Variants in CHST7 observed in about 807,000 individuals in gnomAD.
The protein encoded by CHST7 is carbohydrate sulfotransferase 7, also known as N-acetylglucosamine 6-O-sulfotransferase 4.
In CHST7, 5 loss-of-function variants were observed where a neutral mutation model predicts 9.0. The ratio of observed to expected loss-of-function variants is 0.56; its 90% CI spans 0.29 to 1.17. The LOEUF (loss-of-function observed/expected upper bound fraction) is 1.17, where lower values mean the gene tolerates loss of function less well. CHST7 is among the 50% of genes most tolerant of loss of function. CHST7 has a pLI of 0.08. For synonymous variants in CHST7, 244 were observed against 237.1 expected, an observed-to-expected ratio of 1.03 and a Z score of -0.27; for missense variants, 377 against 485.1, an observed-to-expected ratio of 0.78 and a Z score of 2.09.
In CHST7 at chrX:46,574,749, T is replaced by C; in HGVS notation, c.818T>C (p.Val273Ala). ...LLRDPGLNLK[V>A]VQLFRDPRAV... The stretch of plus-strand genomic sequence containing the variant: ...CGTGATCCAGGCCTCAACCTGAAGG[T>C]GGTGCAGCTTTTCCGCGACCCGAGG... The change falls in exon 1 of 2, where the codon GTG (valine) becomes GCG (alanine). Residue 273 changes from valine to alanine, a missense_variant. Physicochemically the swap from Val to Ala is moderately conservative, Grantham distance 64. Around this residue, in one of 3 missense-constraint regions of CHST7, gnomAD observed 239 missense variants for 325.7 expected, o/e 0.73. Coordinates refer to ENST00000276055, the MANE Select transcript of CHST7 (RefSeq NM_019886.4). 3 of 1,208,398 alleles carry C rather than the reference T, an allele frequency of 2.5e-6. No homozygotes were observed. Among genetic ancestry groups the C allele is most frequent in the Non-Finnish European group, 3.4e-6 (3 of 893,857 alleles).
Position 46,574,906 on chromosome X carries a change from G to A in CHST7, c.975G>A (p.Gly325=), listed in dbSNP as rs1321031377. The change falls in exon 1 of 2, where the codon GGG becomes GGA. Residue 325 remains glycine, a synonymous_variant. Transcript: ENST00000276055. ...CGCACGGCGTGGGTGCTCGCCCCGG[G>A]GGCCAGTCTCGCGCGCTGCCCGCCG... is the stretch of plus-strand genomic sequence containing the variant. The part of the protein sequence containing the change: ...LLAHGVGARP[G]GQSRALPAAP... 1.1e-5 allele frequency: 13 copies of A among 1,150,715 alleles called. No individual in the cohort carries two copies. In the South Asian group the frequency reaches 2.4e-4, roughly 21 times the overall value. 94.8% of individuals were successfully genotyped at this position (1,150,715 alleles called of 1,213,427 possible).
At chrX:46,576,335 C>A (rs913197688) in intron 1 of CHST7, among the ~76,000 whole-genome samples, 4 of 111,451 alleles carry the variant, frequency 3.6e-5, no homozygotes, top group Admixed American at 1.9e-4. Context: ...GGGTGTCCCC[C>A]ACTCCACCCC....
At chrX:46,585,438 C>A (rs1381374370) in intron 1 of CHST7, among the ~76,000 whole-genome samples, 1 of 109,340 alleles carries the variant, frequency 9.1e-6, no homozygotes, top group Non-Finnish European at 1.9e-5. Flanking sequence ...TACAGGCATG[C>A]GCCACCACGC....
chrX:46,590,052 A>G lies in CHST7; in HGVS notation c.*32-7708A>G, dbSNP rs371996873. ...TACAAAGATTTTTTAATAAAAGGAT[A>G]TAAAAGAGTGCTTATGGGTACAGAT... is the stretch of plus-strand genomic sequence containing the variant. On this transcript the variant is annotated intron_variant, in intron 1 of 1. Transcript: ENST00000276055. Among the ~76,000 whole-genome samples the G allele has an allele frequency of 7.2e-5, 8 of 111,840 alleles. No homozygotes were observed. In the East Asian group the frequency reaches 2.0e-3, roughly 27 times the overall value.
chrX:46,586,976 C>A (rs1942552561), intron 1 of CHST7, among the ~76,000 whole-genome samples: 1 of 110,834 alleles, frequency 9.0e-6, no homozygotes, highest in Non-Finnish European at 1.9e-5. Flanking sequence ...CTCAGCTGAT[C>A]CACCCGCCTC....
rs1187286382 is a variant in CHST7 at position 46,579,506 on chromosome X, A to G, written c.*31+4083A>G. Among the ~76,000 whole-genome samples the G allele has an allele frequency of 3.6e-5, 4 of 112,090 alleles. No individual in the cohort carries two copies. The Admixed American group carries it at 3.8e-4, about 11-fold the overall frequency. On this transcript the variant is annotated intron_variant, in intron 1 of 1. Coordinates refer to ENST00000276055, the MANE Select transcript of CHST7 (RefSeq NM_019886.4). ...TCTTTGCTCTTGACATGACATATGC[A>G]TCCTTTGAAAGAAATTAGGAAAGAA...
chrX:46,575,314 C>A lies in CHST7; in HGVS notation c.1383C>A (p.Arg461=). The A allele has an allele frequency of 9.1e-7, 1 of 1,099,494 alleles. No homozygotes were observed. Among genetic ancestry groups the A allele is most frequent in the Non-Finnish European group, 1.2e-6 (1 of 846,147 alleles). The allele number at this position is 1,099,494 out of a possible 1,213,427, so 90.6% of individuals were successfully genotyped here. ...APAMRLLAYP[R]SGEEGDAEQP... ...CCATGCGTCTGCTCGCCTACCCTCG[C>A]AGCGGAGAGGAGGGCGACGCGGAGC... is the stretch of plus-strand genomic sequence containing the variant. The change falls in exon 1 of 2, where the codon CGC becomes CGA. Residue 461 remains arginine (R), a synonymous_variant. Coordinates refer to ENST00000276055, the MANE Select transcript of CHST7 (RefSeq NM_019886.4).
intron 1 of CHST7, among the ~76,000 whole-genome samples, chrX:46,596,119 CAGAGCTAGACTCTGTCAAA>C (rs1942592566): frequency 9.7e-6 from 1 of 103,475 alleles, no homozygotes; most frequent in Non-Finnish European, 2.0e-5. Context: ...GCCTGGGTGA[CAGAGCTAGACTCTGTCAAA>C]AAAAAAAAAA....
Position 46,574,657 on chromosome X carries a change from A to G in CHST7, c.726A>G (p.Arg242=). 1 of 1,209,171 alleles carries G rather than the reference A, an allele frequency of 8.3e-7. No individual in the cohort carries two copies. The highest frequency in any genetic ancestry group is 1.1e-6 in the Non-Finnish European group (1 of 894,307). ...VAIRALEAEC[R]KYPVVVIKDV... is the part of the protein sequence containing the mutation. ...TACGCGCCCTGGAGGCCGAGTGCCG[A>G]AAGTACCCGGTGGTGGTCATCAAGG... The change falls in exon 1 of 2, where the codon CGA becomes CGG. Residue 242 remains arginine (R), a synonymous_variant. Transcript: ENST00000276055.
chrX:46,590,625 G>A (rs1303809247), intron 1 of CHST7, among the ~76,000 whole-genome samples: 1 of 111,802 alleles, frequency 8.9e-6, no homozygotes, highest in African/African-American at 3.3e-5. Context: ...CTTATATGTA[G>A]ATCAATATCA....
chrX:46,574,565 C>G lies in CHST7; in HGVS notation c.634C>G (p.Arg212Gly), dbSNP rs780688599. The change falls in exon 1 of 2, where the codon CGT becomes GGT. Residue 212 changes from arginine (R) to glycine (G), a missense_variant. Physicochemically the swap from Arg to Gly is moderately radical, Grantham distance 125 (BLOSUM62 -2). Coordinates refer to ENST00000276055, the MANE Select transcript of CHST7 (RefSeq NM_019886.4). ...GCCGCCACTGTGTCCTGGCGCACCC[C>G]GTGCCCGGGCCGAGGTGGGCCTCGT... ...CSPPLCPGAPRARAEVGLVED... is the reference protein window; with the variant it reads ...CSPPLCPGAPGARAEVGLVED... 2.5e-6 allele frequency: 3 copies of G among 1,205,903 alleles called. No individual in the cohort carries two copies. The highest frequency in any genetic ancestry group is 3.0e-5 in the East Asian group (1 of 33,509).
In CHST7 at chrX:46,575,240, C is replaced by T; in HGVS notation, c.1309C>T (p.Arg437Cys). ...GGAGGCGGTGCACGCCTGGCGCGAG[C>T]GCCTGAGCCGAGAGCAGGTGCGCCA... ...AREAVHAWRE[R>C]LSREQVRQVE... is the part of the protein sequence containing the mutation. Residue 437 changes from arginine (R) to cysteine (C), a missense_variant, in exon 1 of 2, where the codon CGC becomes TGC. This residue lies in a region of CHST7 where 130 missense variants were observed against 134.9 expected (regional missense o/e 0.96). Coordinates refer to ENST00000276055, the MANE Select transcript of CHST7 (RefSeq NM_019886.4). The T allele has an allele frequency of 9.1e-7, 1 of 1,101,875 alleles. No individual in the cohort carries two copies. Among genetic ancestry groups the T allele is most frequent in the Non-Finnish European group, 1.2e-6 (1 of 847,066 alleles). 90.8% of individuals were successfully genotyped at this position (1,101,875 alleles called of 1,213,427 possible).
At chrX:46,594,492 A>G (rs906619652) in intron 1 of CHST7, among the ~76,000 whole-genome samples, 1 of 104,454 alleles carries the variant, frequency 9.6e-6, no homozygotes, top group African/African-American at 3.6e-5. Context: ...ACGCCACTGC[A>G]CTCCAGCCTG....
intron 1 of CHST7, among the ~76,000 whole-genome samples, chrX:46,582,787 G>A (rs1281227998): frequency 9.0e-6 from 1 of 110,925 alleles, no homozygotes; most frequent in African/African-American, 3.3e-5. Context: ...AAACAATTTG[G>A]GGACCCTATC....
intron 1 of CHST7, among the ~76,000 whole-genome samples, chrX:46,584,260 G>A (rs1186616419): frequency 1.8e-5 from 2 of 110,830 alleles, no homozygotes; most frequent in Non-Finnish European, 3.8e-5. Flanking sequence ...TGCCTTGGCC[G>A]GGTGCGGTGG....
chrX:46,595,286 T>C (rs1942588726), intron 1 of CHST7, among the ~76,000 whole-genome samples: 1 of 112,663 alleles, frequency 8.9e-6, no homozygotes, highest in South Asian at 3.6e-4. Context: ...TTTCCCTGGT[T>C]CTTGGTTTGA....
chrX:46,575,415 C>T lies in CHST7; in HGVS notation c.*23C>T. On this transcript the variant is annotated 3_prime_UTR_variant, in exon 1 of 2. Coordinates refer to ENST00000276055, the MANE Select transcript of CHST7 (RefSeq NM_019886.4). ...TAGCCTCCCATCCCTGTCCCCGGCA[C>T]GGATCCGGGTAAGGTGGCCCGGGGC... 1 of 1,020,370 alleles carries T rather than the reference C, an allele frequency of 9.8e-7. No individual in the cohort carries two copies. Among genetic ancestry groups the T allele is most frequent in the Non-Finnish European group, 1.2e-6 (1 of 805,451 alleles). The allele number at this position is 1,020,370 out of a possible 1,213,427, so 84.1% of individuals were successfully genotyped here.
intron 1 of CHST7, among the ~76,000 whole-genome samples, chrX:46,594,839 A>C (rs1388874198): frequency 8.9e-6 from 1 of 111,863 alleles, no homozygotes; most frequent in Non-Finnish European, 1.9e-5. Context: ...GCCATATTTC[A>C]AGTACTTTTT....
In CHST7 at chrX:46,573,961, G is replaced by A. The variant is rs754570107; in HGVS notation, c.30G>A (p.Glu10=). MKGRRRRRR[E]YCKFALLLVL... is the part of the protein sequence containing the mutation. ...AGGGCCGGCGGCGGCGACGCCGAGAGTACTGCAAGTTCGCGCTGCTGTTGG... is the reference window on the plus strand; with the variant it reads ...AGGGCCGGCGGCGGCGACGCCGAGAATACTGCAAGTTCGCGCTGCTGTTGG... The change falls in exon 1 of 2, where the codon GAG becomes GAA. Residue 10 remains glutamate, a synonymous_variant. Coordinates refer to ENST00000276055, the MANE Select transcript of CHST7 (RefSeq NM_019886.4). 1.8e-5 allele frequency: 21 copies of A among 1,154,767 alleles called. No homozygotes were observed. The highest frequency in any genetic ancestry group is 3.1e-4 in the Middle Eastern group (1 of 3,221).
Sources: gnomAD v4.1 joint callset for allele counts (sites outside exome capture counted in the v4.1 genomes callset) on GRCh38, gnomAD v4.1.1 for gene constraint, gnomAD v4.1.1 regional missense constraint, MANE v1.5 for transcripts, NCBI Gene and HGNC (gene_info 2026-07-23, HGNC 2026-07-21) for gene names.